The following DCAF8L2 variants were observed in gnomAD, a reference collection of about 807,000 sequenced individuals.
DCAF8L2 encodes the protein DDB1- and CUL4-associated factor 8-like protein 2.
For missense variants in DCAF8L2, 430 were observed against 490.7 expected, an observed-to-expected ratio of 0.88 and a Z score of 1.17; for synonymous variants, 200 against 190.9, an observed-to-expected ratio of 1.05 and a Z score of -0.39.
chrX:27,583,340 A>G, the DCAF8L2 span, among the ~76,000 whole-genome samples: 1 of 111,584 alleles, frequency 9.0e-6, no homozygotes, highest in African/African-American at 3.3e-5. Context: ...TTCAAGACTC[A>G]TCTTGTATTT....
chrX:27,616,463 G>A (rs759389995), intron 1 of DCAF8L2, among the ~76,000 whole-genome samples: 62 of 111,203 alleles, frequency 5.6e-4, no homozygotes, highest in Admixed American at 2.0e-3. Flanking sequence ...AATGGTAGTA[G>A]CAGATTTTAA....
chrX:27,654,902 G>A (rs767923356), intron 2 of DCAF8L2, among the ~76,000 whole-genome samples: 388 of 110,789 alleles, frequency 3.5e-3, no homozygotes, highest in Non-Finnish European at 5.2e-3. Context: ...TGTCATTAAC[G>A]TAACATTAAT....
chrX:27,632,309 CTATTT>C (rs1928320730), intron 2 of DCAF8L2: 1 of 111,165 alleles, frequency 9.0e-6, no homozygotes, highest in South Asian at 3.7e-4. Context: ...CAGGAAAGTC[CTATTT>C]TGCCATTTTG....
chrX:27,697,738 T>A, intron 3 of DCAF8L2, among the ~76,000 whole-genome samples: 1 of 111,144 alleles, frequency 9.0e-6, no homozygotes, highest in South Asian at 3.7e-4. Flanking sequence ...CTAGAATGAA[T>A]CATTGTCTAA....
At chrX:27,546,257 C>T in the DCAF8L2 span, among the ~76,000 whole-genome samples, 1 of 111,998 alleles carries the variant, frequency 8.9e-6, no homozygotes, top group East Asian at 2.8e-4. Flanking sequence ...GTCTCACATC[C>T]AGTTAATGCT....
At chrX:27,597,424 T>C (rs1926410355) in intron 1 of DCAF8L2, among the ~76,000 whole-genome samples, 1 of 111,429 alleles carries the variant, frequency 9.0e-6, no homozygotes, top group African/African-American at 3.3e-5. Flanking sequence ...TTATGTAAAA[T>C]GTGACAGATT....
chrX:27,626,018 TA>T lies in DCAF8L2; in HGVS notation c.-341-5852del, dbSNP rs1329278988. Reference sequence around the variant, plus strand: ...ATACCCCTGAACCTAAAATAAAAGTTAAAAAAAAATAACTTGAAAAATAAAT... The same window carrying T: ...ATACCCCTGAACCTAAAATAAAAGTTAAAAAAAATAACTTGAAAAATAAAT... On this transcript the variant is annotated intron_variant, in intron 1 of 4. Coordinates refer to ENST00000451261, the MANE Select transcript of DCAF8L2 (RefSeq NM_001353450.2). 4.2e-3 allele frequency among the ~76,000 whole-genome samples: 456 copies of T among 109,022 alleles called. 2 individuals are homozygous for T. Among genetic ancestry groups the T allele is most frequent in the Middle Eastern group, 0.014 (3 of 213 alleles). The allele number at this position is 109,022 out of a possible 115,157, so 94.7% of individuals were successfully genotyped here.
At chrX:27,511,626 G>A in the DCAF8L2 span, among the ~76,000 whole-genome samples, 1 of 112,147 alleles carries the variant, frequency 8.9e-6, no homozygotes, top group Non-Finnish European at 1.9e-5. Context: ...ATCTGAACTG[G>A]AGAATAAGTT....
Position 27,693,803 on chromosome X carries a change from A to G in DCAF8L2, c.-143+15891A>G, listed in dbSNP as rs1285530435. Among the ~76,000 whole-genome samples the G allele has an allele frequency of 5.3e-5, 6 of 112,311 alleles. No individual in the cohort carries two copies. In the East Asian group the frequency reaches 1.7e-3, roughly 32 times the overall value. ...TCAACCACTGTGGAAAGCAGTTTGG[A>G]TATTTCTCAAATAACTCAAAACATA... On this transcript the variant is annotated intron_variant, in intron 3 of 4. Transcript: ENST00000451261.
chrX:27,696,209 AAAG>A (rs1216214211), intron 3 of DCAF8L2, among the ~76,000 whole-genome samples: 1 of 106,069 alleles, frequency 9.4e-6, no homozygotes, highest in South Asian at 4.2e-4. Context: ...AAGAAAAAAA[AAAG>A]AAGAAAAAGA....
At chrX:27,486,500 A>T in the DCAF8L2 span, among the ~76,000 whole-genome samples, 1 of 111,935 alleles carries the variant, frequency 8.9e-6, no homozygotes, top group East Asian at 2.8e-4. Flanking sequence ...CTGCAATTTT[A>T]TTGAGGTATT....
the DCAF8L2 span, among the ~76,000 whole-genome samples, chrX:27,553,955 C>A: frequency 1.9e-5 from 2 of 107,660 alleles, no homozygotes; most frequent in African/African-American, 6.7e-5. Flanking sequence ...GGATGCAATG[C>A]CTCTGGCATG....
the DCAF8L2 span, among the ~76,000 whole-genome samples, chrX:27,525,751 G>A: frequency 9.0e-6 from 1 of 111,444 alleles, no homozygotes; most frequent in African/African-American, 3.3e-5. Context: ...GCATTTGCTT[G>A]TCTGTAAAGG....
intron 1 of DCAF8L2, among the ~76,000 whole-genome samples, chrX:27,601,460 G>A (rs769997093): frequency 8.9e-6 from 1 of 112,309 alleles, no homozygotes; most frequent in South Asian, 3.7e-4. Flanking sequence ...AGCACTTTGG[G>A]AGGCCGAGGC....
intron 3 of DCAF8L2, among the ~76,000 whole-genome samples, chrX:27,699,519 A>G (rs887457219): frequency 8.9e-6 from 1 of 111,770 alleles, no homozygotes; most frequent in Non-Finnish European, 1.9e-5. Context: ...TTTCCATGGC[A>G]AAAAGTGGGT....
At chrX:27,595,365 A>G (rs1926304322) in intron 1 of DCAF8L2, among the ~76,000 whole-genome samples, 1 of 111,551 alleles carries the variant, frequency 9.0e-6, no homozygotes, top group Non-Finnish European at 1.9e-5. Context: ...TTCTCTAGTC[A>G]TTCTCATCTC....
chrX:27,485,791 CA>C, the DCAF8L2 span, among the ~76,000 whole-genome samples: 4 of 110,325 alleles, frequency 3.6e-5, no homozygotes, highest in African/African-American at 9.9e-5. Flanking sequence ...TATTTGAAGT[CA>C]CAAAGGGATA....
At chrX:27,616,694 G>C (rs919476034) in intron 1 of DCAF8L2, among the ~76,000 whole-genome samples, 2 of 111,256 alleles carry the variant, frequency 1.8e-5, no homozygotes, top group African/African-American at 6.5e-5. Flanking sequence ...AGGAATTGCT[G>C]CCCTAGACCC....
intron 2 of DCAF8L2, among the ~76,000 whole-genome samples, chrX:27,650,906 A>G (rs753007366): frequency 4.3e-4 from 48 of 111,125 alleles, no homozygotes; most frequent in South Asian, 1.1e-3. Context: ...AGTTTTTCCC[A>G]TGCAGTATGA....
Sources: gnomAD v4.1 joint callset for allele counts (sites outside exome capture counted in the v4.1 genomes callset) on GRCh38, gnomAD v4.1.1 for gene constraint, MANE v1.5 for transcripts, NCBI Gene and HGNC (gene_info 2026-07-23, HGNC 2026-07-21) for gene names.